Variants in MMUT observed in about 807,000 individuals in gnomAD.
MMUT encodes methylmalonyl-CoA mutase, also known as methylmalonyl-CoA mutase, mitochondrial.
Under a neutral mutation model 79.9 loss-of-function variants are expected in MMUT, and 79 were observed. That is an observed-to-expected ratio of 0.99 (90% CI 0.82 to 1.19). The LOEUF (loss-of-function observed/expected upper bound fraction) is 1.19, where lower values mean the gene tolerates loss of function less well. Among genes scored for constraint, MMUT ranks in the 50% most tolerant of loss-of-function variants. MMUT has a pLI of 0.00. For missense variants in MMUT, 860 were observed against 917.2 expected (o/e 0.94, Z 0.81); for synonymous variants, 273 against 295.7 (o/e 0.92, Z 0.79).
At chr6:49,438,886 T>C (rs767125170) in intron 11 of MMUT, among the ~76,000 whole-genome samples, 24 of 152,144 alleles carry the variant, frequency 1.6e-4, no homozygotes, top group African/African-American at 3.9e-4. Flanking sequence ...CCCTTGAACA[T>C]TGGACTCCAA....
rs1343249255 is a variant in MMUT, at chr6:49,456,250, A to G, written c.754-13T>C. ...ATTTTGGCATGTGCTACATAAAAAA[A>G]AAAATTGTAACAGTGAATAAGTAAA... is the stretch of plus-strand genomic sequence containing the variant. On this transcript the variant is annotated splice_polypyrimidine_tract_variant and intron_variant, in intron 3 of 12. Transcript: ENST00000274813. 6.4e-7 allele frequency: 1 copy of G among 1,565,992 alleles called. No individual in the cohort carries two copies. The highest frequency in any genetic ancestry group is 2.2e-5 in the East Asian group (1 of 44,586).
intron 3 of MMUT, 44 bp from the exon 4 acceptor site, chr6:49,456,281 T>A: frequency 7.5e-7 from 1 of 1,333,786 alleles, no homozygotes; most frequent in Non-Finnish European, 1.1e-6. Context: ...GTAAAAATAT[T>A]AAAAGGTCCT....
At chr6:49,436,329 G>A (rs1360177657) in intron 11 of MMUT, among the ~76,000 whole-genome samples, 4 of 152,086 alleles carry the variant, frequency 2.6e-5, no homozygotes, top group Admixed American at 2.6e-4. Flanking sequence ...CTTGCAGCTG[G>A]GCGTGGTGGT....
At chr6:49,451,113 G>A (rs1428758577) in intron 6 of MMUT, among the ~76,000 whole-genome samples, 2 of 152,134 alleles carry the variant, frequency 1.3e-5, no homozygotes, top group South Asian at 2.1e-4. Flanking sequence ...AAACTATGCA[G>A]ATAAAAACAA....
intron 8 of MMUT, among the ~76,000 whole-genome samples, chr6:49,446,831 T>C (rs373058793): frequency 4.7e-5 from 7 of 150,334 alleles, no homozygotes; most frequent in African/African-American, 1.7e-4. Flanking sequence ...AAAGAAAGGG[T>C]TTTCCAAAAA....
In MMUT at chr6:49,441,885, C is replaced by T. The variant is rs141829043; in HGVS notation, c.1763G>A (p.Arg588His). 7 of 1,611,992 alleles carry T rather than the reference C, an allele frequency of 4.3e-6. No homozygotes were observed. Among genetic ancestry groups the T allele is most frequent in the South Asian group, 2.2e-5 (2 of 91,028 alleles). The change falls in exon 10 of 13, where the codon CGC becomes CAC. Residue 588 changes from arginine (R) to histidine (H), a missense_variant. Coordinates refer to ENST00000274813, the MANE Select transcript of MMUT (RefSeq NM_000255.4). Reference sequence around the variant, plus strand: ...CTCTTTACTTTCTCCAAATTCCTGGCGATATGCTCCACTCACCATTCGATC... The same window carrying T: ...CTCTTTACTTTCTCCAAATTCCTGGTGATATGCTCCACTCACCATTCGATC... ...ANDRMVSGAYRQEFGESKEIT... is the reference protein window; with the variant it reads ...ANDRMVSGAYHQEFGESKEIT...
At chr6:49,442,093 A>G in intron 9 of MMUT, 122 bp from the exon 10 acceptor site, 3 of 1,185,434 alleles carry the variant, frequency 2.5e-6, no homozygotes, top group East Asian at 2.8e-5. Context: ...AAAATGTAAA[A>G]TAAGAATTTT....
chr6:49,430,371 A>C lies in MMUT; in HGVS notation c.*1357T>G, dbSNP rs747868663. On this transcript the variant is annotated 3_prime_UTR_variant, in exon 13 of 13. Coordinates refer to ENST00000274813, the MANE Select transcript of MMUT (RefSeq NM_000255.4). ...ACTGTCAAGAGCTGTAAATTCCTCA[A>C]GGATGAGTTTATTTCACATGTCACC... is the stretch of plus-strand genomic sequence containing the variant. The C allele has an allele frequency of 3.3e-5, 5 of 152,160 alleles. No individual in the cohort carries two copies. Among genetic ancestry groups the C allele is most frequent in the Non-Finnish European group, 5.9e-5 (4 of 68,032 alleles). The allele number at this position is 152,160 out of a possible 1,614,324, so 9.4% of individuals were successfully genotyped here.
At chr6:49,460,012 A>G (rs1007806260) in intron 1 of MMUT, among the ~76,000 whole-genome samples, 1 of 152,214 alleles carries the variant, frequency 6.6e-6, no homozygotes, top group Non-Finnish European at 1.5e-5. Flanking sequence ...TTTCCCCCTC[A>G]GACCCATCTC....
chr6:49,456,356 A>C (rs941834339), intron 3 of MMUT, 119 bp from the exon 4 acceptor site: 58 of 754,266 alleles, frequency 7.7e-5, no homozygotes, highest in Non-Finnish European at 1.2e-4. Context: ...TAAACTTGGT[A>C]GTTCATAATG....
chr6:49,438,848 A>T (rs1009277113), intron 11 of MMUT, among the ~76,000 whole-genome samples: 6 of 152,148 alleles, frequency 3.9e-5, no homozygotes, highest in African/African-American at 1.4e-4. Context: ...CCAAGCCTAC[A>T]TCTTTCTCCC....
chr6:49,448,721 A>C (rs1767472866), intron 7 of MMUT, 95 bp downstream of exon 7: 1 of 1,049,290 alleles, frequency 9.5e-7, no homozygotes, highest in Admixed American at 1.9e-5. Flanking sequence ...ATTTTTCATT[A>C]TTTTTGTTTT....
chr6:49,439,646 C>A (rs1306281571), intron 11 of MMUT, among the ~76,000 whole-genome samples: 1 of 152,144 alleles, frequency 6.6e-6, no homozygotes, highest in African/African-American at 2.4e-5. Flanking sequence ...GCCCACTAGG[C>A]ATTGTTCCTC....
chr6:49,458,348 T>C (rs903128023), intron 2 of MMUT, among the ~76,000 whole-genome samples: 4 of 152,190 alleles, frequency 2.6e-5, no homozygotes, highest in Admixed American at 2.0e-4. Context: ...TCTGAAGATA[T>C]GGTACTTGAT....
At chr6:49,444,922 C>A (rs1767374999) in intron 8 of MMUT, among the ~76,000 whole-genome samples, 168 bp from the exon 9 acceptor site, 1 of 152,044 alleles carries the variant, frequency 6.6e-6, no homozygotes, top group Non-Finnish European at 1.5e-5. Flanking sequence ...GAATTTTATT[C>A]ATTCAATTCA....
rs1766954652 is a variant in MMUT, at chr6:49,430,822, A to C, written c.*906T>G. 2 of 152,202 alleles carry C rather than the reference A, an allele frequency of 1.3e-5. No individual in the cohort carries two copies. 9.4% of individuals were successfully genotyped at this position (152,202 alleles called of 1,614,324 possible). On this transcript the variant is annotated 3_prime_UTR_variant, in exon 13 of 13. Transcript: ENST00000274813. ...CAGATTTGTTAAACAGGTAAATGGC[A>C]ACTTTCCTTCTTTAGTGAGCAAATC...
At chr6:49,437,311 T>C (rs1767156541) in intron 11 of MMUT, among the ~76,000 whole-genome samples, 2 of 152,044 alleles carry the variant, frequency 1.3e-5, no homozygotes, top group Admixed American at 6.5e-5. Context: ...ATTCCAACCA[T>C]AGCCAATTTC....
chr6:49,461,315 A>G (rs1767834336), intron 1 of MMUT, among the ~76,000 whole-genome samples: 1 of 152,182 alleles, frequency 6.6e-6, no homozygotes, highest in African/African-American at 2.4e-5. Context: ...GTTTCTGTAA[A>G]TATATGTATA....
At chr6:49,440,680 T>C (rs991426640) in intron 10 of MMUT, among the ~76,000 whole-genome samples, 18 of 152,124 alleles carry the variant, frequency 1.2e-4, no homozygotes, top group African/African-American at 4.3e-4. Context: ...CTATTTTACA[T>C]TGAGAGCTCC....
Sources: gnomAD v4.1 joint callset for allele counts (sites outside exome capture counted in the v4.1 genomes callset) on GRCh38, gnomAD v4.1.1 for gene constraint, MANE v1.5 for transcripts, NCBI Gene and HGNC (gene_info 2026-07-23, HGNC 2026-07-21) for gene names.